MBNL1: variants seen among roughly 807,000 people sequenced by gnomAD.
The protein encoded by MBNL1 is muscleblind-like protein 1.
In MBNL1, 8 loss-of-function variants were observed where a neutral mutation model predicts 42.2. The ratio of observed to expected loss-of-function variants is 0.19; its 90% confidence interval spans 0.11 to 0.34. The LOEUF (loss-of-function observed/expected upper bound fraction) is 0.34. Ranked by LOEUF, MBNL1 falls within the 10% of genes least tolerant of loss-of-function variation. The pLI is 1.00. For missense variants in MBNL1, 309 were observed against 495.3 expected, an observed-to-expected ratio of 0.62 and a Z score of 3.57; for synonymous variants, 169 against 173.9, an observed-to-expected ratio of 0.97 and a Z score of 0.22.
chr3:152,453,066 AAAG>A (rs1256131671), intron 6 of MBNL1, among the ~76,000 whole-genome samples: 1 of 151,700 alleles, frequency 6.6e-6, no homozygotes, highest in Non-Finnish European at 1.5e-5. Context: ...TAATAAAAAT[AAAG>A]AAGGTACTGC....
intron 2 of MBNL1, chr3:152,301,097 A>G (rs1461560507): frequency 6.0e-6 from 1 of 167,646 alleles, no homozygotes; most frequent in African/African-American, 2.4e-5. Flanking sequence ...TTTTATTTGT[A>G]ATAGTCTTAG....
chr3:152,315,845 A>AACACAC (rs147766235), intron 2 of MBNL1, among the ~76,000 whole-genome samples: 375 of 142,974 alleles, frequency 2.6e-3, no homozygotes, highest in Non-Finnish European at 3.8e-3. Flanking sequence ...AAAGCGTGTG[A>AACACAC]ACACACACAC....
chr3:152,368,588 A>G (rs893772789), intron 2 of MBNL1, among the ~76,000 whole-genome samples: 6 of 152,172 alleles, frequency 3.9e-5, no homozygotes, highest in Admixed American at 6.6e-5. Flanking sequence ...CATTGAATCT[A>G]TGAATTACTT....
intron 1 of MBNL1, among the ~76,000 whole-genome samples, chr3:152,270,899 G>A (rs570254891): frequency 6.6e-6 from 1 of 152,214 alleles, no homozygotes; most frequent in East Asian, 1.9e-4. Flanking sequence ...GACTACAAAA[G>A]TTGCCTTTTG....
At chr3:152,447,527 A>T in intron 5 of MBNL1, 93 bp from the exon 6 acceptor site, 2 of 955,304 alleles carry the variant, frequency 2.1e-6, no homozygotes, top group Non-Finnish European at 3.0e-6. Flanking sequence ...TTGCTTGCTC[A>T]TGCTTCCTAA....
Position 152,463,300 on chromosome 3 carries a change from A to G in MBNL1, c.*934A>G, listed in dbSNP as rs1748494542. 1.3e-5 allele frequency: 2 copies of G among 152,016 alleles called. No homozygotes were observed. The highest frequency in any genetic ancestry group is 4.8e-5 in the African/African-American group (2 of 41,398). The allele number at this position is 152,016 out of a possible 1,614,324, so 9.4% of individuals were successfully genotyped here. A position where few individuals can be genotyped will look rare whatever the true frequency, so the allele number is the denominator to read the frequency against. ...ATATAAAATTATTTTAATGCATTGT[A>G]GTGTAATATTTATGCATACTATACT... On this transcript the variant is annotated 3_prime_UTR_variant, in exon 10 of 10. Coordinates refer to ENST00000324210, the MANE Select transcript of MBNL1 (RefSeq NM_021038.5).
At position 152,452,007 on chromosome 3, in the gene MBNL1, C is replaced by G. The variant is rs181671314; in HGVS notation, c.962-3535C>G. 5.1e-3 allele frequency among the ~76,000 whole-genome samples: 775 copies of G among 152,286 alleles called. 6 individuals are homozygous for G. The highest frequency in any genetic ancestry group is 4.8e-3 in the Non-Finnish European group (327 of 68,024). The stretch of plus-strand genomic sequence containing the variant: ...CTCTCAATATCTATTACACGAAGAC[C>G]TTAAAAATGATTTGGGAGAGTGGAA... On this transcript the variant is annotated intron_variant, in intron 6 of 9. Transcript: ENST00000324210.
Position 152,455,405 on chromosome 3 carries a change from C to T in MBNL1, c.962-137C>T, listed in dbSNP as rs190429326. ...CTATTGTATGATTTGATTGTGCTGA[C>T]AGTTACATGCCACTGTTCCCATAAT... On this transcript the variant is annotated intron_variant, in intron 6 of 9. Transcript: ENST00000324210. The T allele has an allele frequency of 2.2e-4, 155 of 703,384 alleles. No homozygotes were observed. In the East Asian group the frequency reaches 2.8e-3, roughly 13 times the overall value. 43.6% of individuals were successfully genotyped at this position (703,384 alleles called of 1,614,324 possible).
At chr3:152,423,547 A>G (rs2098841071) in intron 3 of MBNL1, among the ~76,000 whole-genome samples, 4 of 152,206 alleles carry the variant, frequency 2.6e-5, no homozygotes, top group Admixed American at 2.6e-4. Context: ...TATTCCAAAC[A>G]ATAGAAAAAG....
intron 1 of MBNL1, among the ~76,000 whole-genome samples, chr3:152,273,357 A>G (rs2043022975): frequency 6.7e-6 from 1 of 149,674 alleles, no homozygotes; most frequent in Non-Finnish European, 1.5e-5. Flanking sequence ...TTACAGATAC[A>G]TCCTTGAGGA....
chr3:152,329,681 A>T (rs1233394572), intron 2 of MBNL1, among the ~76,000 whole-genome samples: 1 of 145,118 alleles, frequency 6.9e-6, no homozygotes, highest in Non-Finnish European at 1.5e-5. Flanking sequence ...TCTTATATAT[A>T]TATATCTTAT....
intron 2 of MBNL1, among the ~76,000 whole-genome samples, chr3:152,260,225 G>T (rs1027626477): frequency 6.6e-6 from 1 of 152,160 alleles, no homozygotes; most frequent in Non-Finnish European, 1.5e-5. Context: ...GCTCCACATT[G>T]TCTAAAAACA....
intron 2 of MBNL1, among the ~76,000 whole-genome samples, chr3:152,371,313 T>A (rs1184589050): frequency 1.3e-5 from 2 of 152,296 alleles, no homozygotes; most frequent in Admixed American, 6.5e-5. Flanking sequence ...TTTAAGAATG[T>A]TGTGCCAGGC....
chr3:152,346,746 A>C (rs2094307098), intron 2 of MBNL1, among the ~76,000 whole-genome samples: 1 of 152,058 alleles, frequency 6.6e-6, no homozygotes, highest in South Asian at 2.1e-4. Flanking sequence ...TAAAACACTA[A>C]AATAGTGAGG....
In MBNL1 at chr3:152,337,693, CTT is replaced by C. The variant is rs2091299100; in HGVS notation, c.174+37328_174+37329del. ...AGTTATATTTTCTGTCCTTCCTCTTCTTTATCCTTTTTCTTTTTCCATCTTTT... is the reference window on the plus strand; with the variant it reads ...AGTTATATTTTCTGTCCTTCCTCTTCTATCCTTTTTCTTTTTCCATCTTTT... On this transcript the variant is annotated intron_variant, in intron 2 of 9. Transcript: ENST00000324210. Among the ~76,000 whole-genome samples the C allele has an allele frequency of 4.7e-5, 7 of 150,452 alleles. 1 individual carries two copies. The highest frequency in any genetic ancestry group is 4.6e-4 in the Admixed American group (7 of 15,106).
At chr3:152,285,885 A>G (rs1415694147) in intron 1 of MBNL1, among the ~76,000 whole-genome samples, 3 of 151,548 alleles carry the variant, frequency 2.0e-5, no homozygotes, top group East Asian at 1.9e-4. Flanking sequence ...TGGTCTCTCA[A>G]AGTGCTGCGA....
intron 9 of MBNL1, among the ~76,000 whole-genome samples, chr3:152,462,068 A>G (rs1747114418): frequency 6.6e-6 from 1 of 152,172 alleles, no homozygotes; most frequent in Admixed American, 6.5e-5. Context: ...TTTGCCCTAC[A>G]ACAATTGTGC....
intron 2 of MBNL1, among the ~76,000 whole-genome samples, chr3:152,353,632 G>C (rs1218790285): frequency 6.7e-6 from 1 of 149,072 alleles, no homozygotes; most frequent in Non-Finnish European, 1.5e-5. Flanking sequence ...CATATCTTAG[G>C]CATATTAATT....
At chr3:152,292,624 T>C (rs1426952864) in intron 1 of MBNL1, among the ~76,000 whole-genome samples, 1 of 152,226 alleles carries the variant, frequency 6.6e-6, no homozygotes, top group African/African-American at 2.4e-5. Context: ...GATGTGTGAT[T>C]GAAAGTTATC....
Sources: allele counts gnomAD v4.1 joint callset (sites outside exome capture counted in the v4.1 genomes callset), GRCh38; gene constraint gnomAD v4.1.1; transcripts MANE v1.5; gene names NCBI Gene and HGNC (gene_info 2026-07-23, HGNC 2026-07-21).